Variants in ARHGAP23 observed in about 807,000 individuals in gnomAD.
ARHGAP23 encodes rho GTPase-activating protein 23.
Under a neutral mutation model 136.3 loss-of-function variants are expected in ARHGAP23, and 34 were observed. That is an observed-to-expected ratio of 0.25 (90% CI 0.19 to 0.33). ARHGAP23 has a LOEUF of 0.33. Among genes scored for constraint, ARHGAP23 ranks in the 10% least tolerant of loss-of-function variants. The pLI is 1.00. For missense variants in ARHGAP23, 1,808 were observed against 2,139.0 expected (o/e 0.85, Z 3.05); for synonymous variants, 832 against 920.5 (o/e 0.90, Z 1.74).
At chr17:38,433,657 G>C (rs1220506254) in intron 1 of ARHGAP23, among the ~76,000 whole-genome samples, 4 of 152,198 alleles carry the variant, frequency 2.6e-5, no homozygotes, top group Non-Finnish European at 5.9e-5. Context: ...ACTTCCTACT[G>C]TGGGGCATTG....
intron 1 of ARHGAP23, among the ~76,000 whole-genome samples, chr17:38,435,263 G>A (rs1372412629): frequency 6.6e-6 from 1 of 151,152 alleles, no homozygotes; most frequent in East Asian, 1.9e-4. Context: ...GGCTGAGACA[G>A]GAGGATTGCT....
At chr17:38,461,674 C>T (rs886924420) in intron 3 of ARHGAP23, among the ~76,000 whole-genome samples, 10 of 149,158 alleles carry the variant, frequency 6.7e-5, no homozygotes, top group Non-Finnish European at 5.9e-5. Flanking sequence ...GCGATTTGTG[C>T]CCACCCTAGG....
In ARHGAP23 at chr17:38,466,507, G is replaced by T; in HGVS notation, c.824G>T (p.Ser275Ile). 5 of 1,487,054 alleles carry T rather than the reference G, an allele frequency of 3.4e-6. No homozygotes were observed. In the South Asian group the frequency reaches 6.6e-5, roughly 20 times the overall value. 92.1% of individuals were successfully genotyped at this position (1,487,054 alleles called of 1,614,324 possible). A position where few individuals can be genotyped will look rare whatever the true frequency, so the allele number is the denominator to read the frequency against. Residue 275 changes from serine to isoleucine, a missense_variant, in exon 7 of 24, where the codon AGC becomes ATC. Physicochemically the swap from Ser to Ile is moderately radical, Grantham distance 142. This residue lies in a region of ARHGAP23 where 859 missense variants were observed against 936.4 expected (regional missense o/e 0.92). Transcript: ENST00000622683. Reference sequence around the variant, plus strand: ...CCCCGTGCCTTCCCAGAGCCTGGCAGCCGGGTGCCCCCCAGCAGACTGGAG... The same window carrying T: ...CCCCGTGCCTTCCCAGAGCCTGGCATCCGGGTGCCCCCCAGCAGACTGGAG... ...RTPRAFPEPG[S>I]RVPPSRLECQ...
At chr17:38,505,184 A>T (rs117098015) in intron 23 of ARHGAP23, among the ~76,000 whole-genome samples, 17,282 of 150,336 alleles carry the variant, frequency 0.11, 1,193 homozygotes, top group Middle Eastern at 0.18. Flanking sequence ...TTTTTGTATT[A>T]TTTTGTAGAA....
chr17:38,497,898 A>T, intron 21 of ARHGAP23, 72 bp downstream of exon 21: 1 of 1,477,368 alleles, frequency 6.8e-7, no homozygotes, highest in Non-Finnish European at 9.3e-7. Flanking sequence ...GGGGTGGGGC[A>T]GGCAGCGGGA....
intron 1 of ARHGAP23, among the ~76,000 whole-genome samples, chr17:38,443,482 C>T (rs1478922056): frequency 2.6e-5 from 4 of 152,184 alleles, no homozygotes; most frequent in Non-Finnish European, 4.4e-5. Flanking sequence ...CATCTGTCTT[C>T]TTCTGACCAG....
At chr17:38,495,959 G>A (rs1411560967) in intron 20 of ARHGAP23, among the ~76,000 whole-genome samples, 1 of 152,018 alleles carries the variant, frequency 6.6e-6, no homozygotes, top group Non-Finnish European at 1.5e-5. Flanking sequence ...GTACAGTGGT[G>A]CGACCTCAGC....
At chr17:38,443,545 G>T (rs2038964737) in intron 1 of ARHGAP23, among the ~76,000 whole-genome samples, 1 of 152,168 alleles carries the variant, frequency 6.6e-6, no homozygotes, top group Non-Finnish European at 1.5e-5. Flanking sequence ...GAGGCTGTTT[G>T]TCCCTGCAGA....
At position 38,447,200 on chromosome 17, in the gene ARHGAP23, G is replaced by A. The variant is rs562081821; in HGVS notation, c.64-10902G>A. ...CTCATGCCTGTAATCCCAGCACTTCGGGAGGCCGAGGCGGGTGGATCATTT... is the reference window on the plus strand; with the variant it reads ...CTCATGCCTGTAATCCCAGCACTTCAGGAGGCCGAGGCGGGTGGATCATTT... On this transcript the variant is annotated intron_variant, in intron 1 of 23. Transcript: ENST00000622683. Among the ~76,000 whole-genome samples, 6 of 152,132 alleles carry A rather than the reference G, an allele frequency of 3.9e-5. No homozygotes were observed. In the South Asian group the frequency reaches 6.2e-4, roughly 16 times the overall value.
rs1159300166 is a variant in ARHGAP23, at chr17:38,479,844, C to G, written c.2590C>G (p.Arg864Gly). The part of the protein sequence containing the change: ...KSEFLKQSAA[R>G]GLRTQDLPAG... ...TGAGTTCCTCAAGCAGAGTGCGGCACGTGGCCTCAGGACTCAGGACCTGCC... is the reference window on the plus strand; with the variant it reads ...TGAGTTCCTCAAGCAGAGTGCGGCAGGTGGCCTCAGGACTCAGGACCTGCC... Residue 864 changes from arginine (R) to glycine (G), a missense_variant, in exon 14 of 24, where the codon CGT (arginine) becomes GGT (glycine). Physicochemically the swap from Arg to Gly is moderately radical, Grantham distance 125 (BLOSUM62 -2). Transcript: ENST00000622683. 1 of 1,451,430 alleles carries G rather than the reference C, an allele frequency of 6.9e-7. No homozygotes were observed. Among genetic ancestry groups the G allele is most frequent in the Non-Finnish European group, 9.2e-7 (1 of 1,086,866 alleles). 89.9% of individuals were successfully genotyped at this position (1,451,430 alleles called of 1,614,324 possible). A position where few individuals can be genotyped will look rare whatever the true frequency, so the allele number is the denominator to read the frequency against.
At position 38,443,004 on chromosome 17, in the gene ARHGAP23, A is replaced by G. The variant is rs113786197; in HGVS notation, c.63+14456A>G. Among the ~76,000 whole-genome samples, 625 of 152,324 alleles carry G rather than the reference A, an allele frequency of 4.1e-3. 2 individuals are homozygous for G. The highest frequency in any genetic ancestry group is 0.014 in the African/African-American group (597 of 41,560). On this transcript the variant is annotated intron_variant, in intron 1 of 23. Coordinates refer to ENST00000622683, the MANE Select transcript of ARHGAP23 (RefSeq NM_001199417.2). Reference sequence around the variant, plus strand: ...AATACCTGATTCTTGGTTCTCAGCAACTTTTTCAGGCTGCTATCTCTGTCT... The same window carrying G: ...AATACCTGATTCTTGGTTCTCAGCAGCTTTTTCAGGCTGCTATCTCTGTCT...
chr17:38,447,009 CTA>C (rs2039049545), intron 1 of ARHGAP23, among the ~76,000 whole-genome samples: 1 of 151,962 alleles, frequency 6.6e-6, no homozygotes, highest in Non-Finnish European at 1.5e-5. Flanking sequence ...GATGGGGTCT[CTA>C]TATGTTTCCC....
chr17:38,455,186 A>C (rs558416280), intron 1 of ARHGAP23, among the ~76,000 whole-genome samples: 1 of 152,374 alleles, frequency 6.6e-6, no homozygotes, highest in African/African-American at 2.4e-5. Flanking sequence ...GAGAGGAAAC[A>C]TGCATGTATT....
intron 15 of ARHGAP23, 105 bp from the exon 16 acceptor site, chr17:38,482,418 C>T (rs1372743160): frequency 4.1e-5 from 48 of 1,181,694 alleles, no homozygotes; most frequent in Middle Eastern, 5.8e-4. Flanking sequence ...TTTGTTCCCC[C>T]CAAGGGTTCC....
intron 11 of ARHGAP23, among the ~76,000 whole-genome samples, chr17:38,474,013 C>A (rs780536872): frequency 3.3e-5 from 5 of 152,158 alleles, no homozygotes; most frequent in East Asian, 3.9e-4. Context: ...CTCCGCCCCC[C>A]AGGTTCAAGC....
chr17:38,490,794 A>G (rs1567820870), intron 19 of ARHGAP23, among the ~76,000 whole-genome samples: 1 of 152,148 alleles, frequency 6.6e-6, no homozygotes. Flanking sequence ...CCCGTATCCG[A>G]TGCATTGCCA....
chr17:38,510,294 T>C lies in ARHGAP23; in HGVS notation c.3798T>C (p.Gly1266=), dbSNP rs902223493. ...MDRSVCSGAS[G]RRAGAGDEAD... ...GCAGCGTGTGCTCGGGCGCTAGCGG[T>C]CGGCGGGCAGGGGCGGGGGATGAGG... The change falls in exon 24 of 24, where the codon GGT becomes GGC. Residue 1266 remains glycine, a synonymous_variant. Transcript: ENST00000622683. The surrounding 1 kb of genome is among the most constrained non-coding windows in gnomAD (Gnocchi z 4.6). 38 of 1,285,346 alleles carry C rather than the reference T, an allele frequency of 3.0e-5. No homozygotes were observed. Among genetic ancestry groups the C allele is most frequent in the African/African-American group, 4.7e-5 (3 of 64,312 alleles). 79.6% of individuals were successfully genotyped at this position (1,285,346 alleles called of 1,614,324 possible).
chr17:38,482,751 T>C (rs1250130576), intron 16 of ARHGAP23, 73 bp downstream of exon 16: 3 of 1,422,114 alleles, frequency 2.1e-6, no homozygotes, highest in Non-Finnish European at 1.9e-6. Flanking sequence ...TGGAGAGTTC[T>C]GTGGTCTATT....
intron 2 of ARHGAP23, 112 bp from the exon 3 acceptor site, chr17:38,460,793 G>A: frequency 6.5e-7 from 1 of 1,533,522 alleles, no homozygotes; most frequent in Non-Finnish European, 8.7e-7. Flanking sequence ...GGCTACTTGG[G>A]AGGAGATAAG....
Sources: gnomAD v4.1 joint callset for allele counts (sites outside exome capture counted in the v4.1 genomes callset) on GRCh38, gnomAD v4.1.1 for gene constraint, gnomAD v4.1.1 regional missense constraint, Gnocchi (gnomAD v3.1) non-coding constraint, MANE v1.5 for transcripts, NCBI Gene and HGNC (gene_info 2026-07-23, HGNC 2026-07-21) for gene names.